PPEF1: variants seen among roughly 807,000 people sequenced by gnomAD.
The protein encoded by PPEF1 is protein phosphatase with EF-hand domain 1.
In PPEF1, 12 loss-of-function variants were observed where a neutral mutation model predicts 53.3. The observed-to-expected ratio is 0.23, with a 90% CI of 0.14 to 0.36. The LOEUF is 0.36. Ranked by LOEUF, PPEF1 falls within the 10% of genes least tolerant of loss-of-function variation. The pLI, the probability that PPEF1 is intolerant of heterozygous loss-of-function variation, is 1.00. For missense variants in PPEF1, 334 were observed against 490.4 expected, an observed-to-expected ratio of 0.68 and a Z score of 3.01; for synonymous variants, 165 against 176.7, an observed-to-expected ratio of 0.93 and a Z score of 0.52.
intron 3 of PPEF1, among the ~76,000 whole-genome samples, chrX:18,744,526 A>C (rs1046503918): frequency 3.6e-5 from 4 of 111,923 alleles, no homozygotes; most frequent in African/African-American, 1.3e-4. Flanking sequence ...GCTGCCATAC[A>C]TAGCCATAGG....
intron 2 of PPEF1, among the ~76,000 whole-genome samples, chrX:18,732,805 T>C (rs2044869070): frequency 8.9e-6 from 1 of 112,345 alleles, no homozygotes; most frequent in Non-Finnish European, 1.9e-5. Flanking sequence ...AGTACCCTGA[T>C]TGTGGCTGGA....
chrX:18,676,363 C>A (rs772925870), intron 1 of PPEF1, among the ~76,000 whole-genome samples: 2 of 107,835 alleles, frequency 1.9e-5, no homozygotes, highest in South Asian at 4.3e-4. Context: ...ACACACACAC[C>A]CCCGCCCCCC....
intron 3 of PPEF1, among the ~76,000 whole-genome samples, chrX:18,741,080 T>G (rs961547645): frequency 9.0e-6 from 1 of 111,551 alleles, no homozygotes. Context: ...AATTAAAGCA[T>G]TTAATGATCT....
At chrX:18,785,047 C>G (rs142193546) in intron 9 of PPEF1, among the ~76,000 whole-genome samples, 65 of 111,851 alleles carry the variant, frequency 5.8e-4, no homozygotes, top group African/African-American at 2.1e-3. Context: ...TCCAACCAAC[C>G]TGGACAGGTG....
intron 14 of PPEF1, 121 bp from the exon 15 acceptor site, chrX:18,825,630 G>T: frequency 1.2e-5 from 5 of 433,894 alleles, no homozygotes; most frequent in Non-Finnish European, 1.5e-5. Context: ...GGCCTTCTCA[G>T]ATTTCTGTCT....
At chrX:18,727,866 G>A (rs1441594788) in intron 1 of PPEF1, among the ~76,000 whole-genome samples, 2 of 111,956 alleles carry the variant, frequency 1.8e-5, no homozygotes, top group African/African-American at 6.5e-5. Context: ...AACAGATAAA[G>A]AGATGCATAG....
At chrX:18,798,164 C>A (rs1199697837) in intron 10 of PPEF1, among the ~76,000 whole-genome samples, 3 of 110,128 alleles carry the variant, frequency 2.7e-5, no homozygotes. Context: ...TCATTGCAAA[C>A]CTGACCACCT....
intron 9 of PPEF1, among the ~76,000 whole-genome samples, chrX:18,785,244 C>T (rs921119686): frequency 1.8e-5 from 2 of 111,417 alleles, no homozygotes; most frequent in Non-Finnish European, 3.8e-5. Context: ...ACTGTCAAGC[C>T]CTTTGTACAT....
In PPEF1 at chrX:18,783,044, G is replaced by A. The variant is rs747520803; in HGVS notation, c.762+642G>A. ...AGGAGAATACTTGAACCCAGGAGGC[G>A]GAGGTTGCAGTGAGCCGAGGTCGTG... On this transcript the variant is annotated intron_variant, in intron 8 of 15. Coordinates refer to ENST00000470157, the MANE Select transcript of PPEF1 (RefSeq NM_001377996.1). Among the ~76,000 whole-genome samples the A allele has an allele frequency of 6.6e-5, 7 of 106,100 alleles. No individual in the cohort carries two copies. The South Asian group carries it at 1.3e-3, about 20-fold the overall frequency. 92.1% of individuals were successfully genotyped at this position (106,100 alleles called of 115,157 possible). A position where few individuals can be genotyped will look rare whatever the true frequency, so the allele number is the denominator to read the frequency against.
At chrX:18,677,873 C>T (rs1928732408) in intron 1 of PPEF1, among the ~76,000 whole-genome samples, 1 of 111,120 alleles carries the variant, frequency 9.0e-6, no homozygotes, top group African/African-American at 3.3e-5. Context: ...TTGTGATGAC[C>T]CAAAATGTCC....
At chrX:18,689,581 G>A (rs1329882336) in intron 3 of PPEF1, among the ~76,000 whole-genome samples, 2 of 109,420 alleles carry the variant, frequency 1.8e-5, no homozygotes, top group African/African-American at 6.6e-5. Context: ...TGTCACCTGG[G>A]AGCTTATTAG....
chrX:18,753,601 C>T (rs2045486967), intron 4 of PPEF1, among the ~76,000 whole-genome samples: 1 of 111,845 alleles, frequency 8.9e-6, no homozygotes, highest in African/African-American at 3.2e-5. Flanking sequence ...AAATTTCTCT[C>T]TGAACACTGC....
chrX:18,696,828 G>A (rs1295211399), intron 4 of PPEF1, among the ~76,000 whole-genome samples: 3 of 111,303 alleles, frequency 2.7e-5, no homozygotes, highest in African/African-American at 9.8e-5. Flanking sequence ...GTGCTACGGG[G>A]CTTCGAGGTA....
At position 18,752,184 on chromosome X, in the gene PPEF1, G is replaced by C. The variant is rs141310518; in HGVS notation, c.396+2232G>C. 1.7e-4 allele frequency among the ~76,000 whole-genome samples: 19 copies of C among 111,803 alleles called. No homozygotes were observed. The East Asian group carries it at 5.0e-3, about 30-fold the overall frequency. Reference sequence around the variant, plus strand: ...CTTTAATTTCTTTCAGCAATGTTTTGTAGCTTTTAGTGGACAAGTCTTTCA... The same window carrying C: ...CTTTAATTTCTTTCAGCAATGTTTTCTAGCTTTTAGTGGACAAGTCTTTCA... On this transcript the variant is annotated intron_variant, in intron 4 of 15. Coordinates refer to ENST00000470157, the MANE Select transcript of PPEF1 (RefSeq NM_001377996.1).
intron 1 of PPEF1, among the ~76,000 whole-genome samples, chrX:18,729,517 A>G (rs1253991547): frequency 1.8e-5 from 2 of 112,018 alleles, no homozygotes; most frequent in Non-Finnish European, 3.8e-5. Context: ...AACCATTCCA[A>G]TGGAAGTACT....
chrX:18,698,699 C>T (rs1446812071), intron 5 of PPEF1, among the ~76,000 whole-genome samples: 2 of 111,799 alleles, frequency 1.8e-5, no homozygotes, highest in South Asian at 3.8e-4. Context: ...GCAGGAGAAT[C>T]GCTTAAGCCT....
At chrX:18,743,404 A>T (rs1184235596) in intron 3 of PPEF1, among the ~76,000 whole-genome samples, 1 of 106,113 alleles carries the variant, frequency 9.4e-6, no homozygotes, top group African/African-American at 3.5e-5. Context: ...CCCTTTGAGC[A>T]GTCAAGTTGC....
At chrX:18,691,085 C>T (rs41297311) in exon 4 of PPEF1, 12,489 of 110,876 alleles carry the variant, frequency 0.11, 677 homozygotes, top group Non-Finnish European at 0.16. Flanking sequence ...GATCAAACCT[C>T]GAGGGAAAGG....
chrX:18,728,050 A>T (rs1197438967), intron 1 of PPEF1, among the ~76,000 whole-genome samples: 2 of 111,087 alleles, frequency 1.8e-5, no homozygotes, highest in Non-Finnish European at 3.8e-5. Flanking sequence ...GGGGAAGATT[A>T]GAGCCTTGGG....
Sources: allele counts gnomAD v4.1 joint callset (sites outside exome capture counted in the v4.1 genomes callset), GRCh38; gene constraint gnomAD v4.1.1; transcripts MANE v1.5; gene names NCBI Gene and HGNC (gene_info 2026-07-23, HGNC 2026-07-21).